The following OFD1 variants were observed in gnomAD, a reference collection of about 807,000 sequenced individuals.
OFD1 encodes OFD1 centriole and centriolar satellite protein, also known as centriole and centriolar satellite protein OFD1.
A neutral mutation model predicts 81.4 loss-of-function variants in OFD1; 12 were observed. The observed-to-expected ratio is 0.15, with a 90% confidence interval of 0.09 to 0.24. OFD1 has a LOEUF of 0.24. OFD1 is among the 10% of genes least tolerant of loss of function. The pLI, the probability that OFD1 is intolerant of heterozygous loss-of-function variation, is 1.00. For synonymous variants in OFD1, 256 were observed against 263.7 expected (o/e 0.97, Z 0.28); for missense variants, 685 against 733.9 (o/e 0.93, Z 0.77).
At chrX:13,736,226 C>G (rs1211294071) in intron 2 of OFD1, 1 of 963,320 alleles carries the variant, frequency 1.0e-6, no homozygotes, top group African/African-American at 2.0e-5. Flanking sequence ...ATCTGGCTAA[C>G]CACCCGTTTC....
intron 9 of OFD1, among the ~76,000 whole-genome samples, chrX:13,750,003 T>C (rs1345547391): frequency 8.9e-6 from 1 of 112,473 alleles, no homozygotes; most frequent in Non-Finnish European, 1.9e-5. Flanking sequence ...CTCACAAATG[T>C]TTCATCCTTG....
chrX:13,768,374 T>A (rs2048211157), intron 21 of OFD1, 150 bp downstream of exon 21: 5 of 503,605 alleles, frequency 9.9e-6, no homozygotes, highest in Non-Finnish European at 1.7e-5. Flanking sequence ...ACCTTGAGTC[T>A]TTTAAATATA....
chrX:13,734,148 G>T (rs1028629188), upstream of OFD1: 1 of 506,519 alleles, frequency 2.0e-6, no homozygotes, highest in African/African-American at 2.3e-5. Context: ...AATATCTGGA[G>T]ACATCTTTGG....
Position 13,762,414 on chromosome X carries a change from G to T in OFD1, c.2458G>T (p.Asp820Tyr). The change falls in exon 18 of 23, where the codon GAT becomes TAT. Residue 820 changes from aspartate (D) to tyrosine (Y), a missense_variant. Physicochemically the swap from Asp to Tyr is radical, Grantham distance 160. Coordinates refer to ENST00000340096, the MANE Select transcript of OFD1 (RefSeq NM_003611.3). ...FSDVDKLAFK[D>Y]NEEFESSFES... is the part of the protein sequence containing the mutation. ...AGATGTGGACAAGCTAGCTTTTAAG[G>T]ATAATGAGGAGTTTGAATCATCTTT... 1 of 1,185,263 alleles carries T rather than the reference G, an allele frequency of 8.4e-7. No homozygotes were observed. Among genetic ancestry groups the T allele is most frequent in the Non-Finnish European group, 1.1e-6 (1 of 871,605 alleles).
At position 13,756,601 on chromosome X, in the gene OFD1, C is replaced by G. The variant is rs1391181829; in HGVS notation, c.1245C>G (p.Ala415=). 8.3e-7 allele frequency: 1 copy of G among 1,202,271 alleles called. No individual in the cohort carries two copies. The highest frequency in any genetic ancestry group is 2.2e-5 in the Admixed American group (1 of 44,823). Residue 415 remains alanine, a synonymous_variant, in exon 13 of 23, where the codon GCC becomes GCG. Transcript: ENST00000340096. The stretch of plus-strand genomic sequence containing the variant: ...AGCTTGAATTAGAGTCTGTCAAAGC[C>G]CAGTCTTTGGCAATAACAAAACAAA... ...ELELELESVK[A]QSLAITKQNH...
chrX:13,718,405 T>C, the OFD1 span, among the ~76,000 whole-genome samples: 1 of 112,876 alleles, frequency 8.9e-6, no homozygotes, highest in Non-Finnish European at 1.9e-5. Flanking sequence ...CCTGAAGAAT[T>C]AGGAGCAAAC....
In OFD1 at chrX:13,767,038, G is replaced by C. The variant is rs866234855; in HGVS notation, c.2600-89G>C. On this transcript the variant is annotated intron_variant, in intron 19 of 22. Coordinates refer to ENST00000340096, the MANE Select transcript of OFD1 (RefSeq NM_003611.3). ...ACTAAAAGCCAAGCAGAGTCTCCGT[G>C]GGTCTTGGCAAGGGCTCCTGCAGAC... 24 of 908,234 alleles carry C rather than the reference G, an allele frequency of 2.6e-5. No homozygotes were observed. The Middle Eastern group carries it at 1.2e-3, about 45-fold the overall frequency. The allele number at this position is 908,234 out of a possible 1,213,427, so 74.8% of individuals were successfully genotyped here. A position where few individuals can be genotyped will look rare whatever the true frequency, so the allele number is the denominator to read the frequency against.
chrX:13,729,054 C>T, the OFD1 span, among the ~76,000 whole-genome samples: 3 of 111,453 alleles, frequency 2.7e-5, no homozygotes, highest in African/African-American at 9.8e-5. Flanking sequence ...CGTGAAGGAC[C>T]TCTTCAAGGA....
intron 5 of OFD1, chrX:13,739,610 T>A (rs188072622): frequency 2.2e-3 from 249 of 114,016 alleles, no homozygotes; most frequent in Non-Finnish European, 3.7e-3. Flanking sequence ...TAGCTAGGCG[T>A]AGTGGCGCAT....
downstream of OFD1, chrX:13,771,921 A>G (rs2048306238): frequency 8.9e-6 from 1 of 112,450 alleles, no homozygotes. Context: ...TCAATTTGCA[A>G]TTAGGTTTTA....
chrX:13,724,331 C>A, the OFD1 span, among the ~76,000 whole-genome samples: 1 of 105,598 alleles, frequency 9.5e-6, no homozygotes, highest in African/African-American at 3.5e-5. Flanking sequence ...AAAAACGGGA[C>A]CAGAAATCAG....
At chrX:13,730,433 A>G (rs1480661410), upstream of OFD1, among the ~76,000 whole-genome samples, 1 of 111,937 alleles carries the variant, frequency 8.9e-6, no homozygotes, top group Non-Finnish European at 1.9e-5. Context: ...GCTGGAGAGG[A>G]TGTGGAGAAA....
At chrX:13,766,440 C>T (rs768551283) in intron 19 of OFD1, among the ~76,000 whole-genome samples, 7 of 111,549 alleles carry the variant, frequency 6.3e-5, no homozygotes, top group African/African-American at 2.3e-4. Flanking sequence ...ATGCCTGGGA[C>T]GAAGCTAGTG....
Position 13,735,869 on chromosome X carries a change from A to G in OFD1, c.111+523A>G, listed in dbSNP as rs974863810. ...TGGATTAACAGCCAGGAGTAGGATT[A>G]GCTCAACGTGTTTTCATTGAAATAT... On this transcript the variant is annotated intron_variant, in intron 2 of 22. Transcript: ENST00000340096. Among the ~76,000 whole-genome samples, 3 of 112,296 alleles carry G rather than the reference A, an allele frequency of 2.7e-5. No homozygotes were observed. In the East Asian group the frequency reaches 8.3e-4, roughly 31 times the overall value.
intron 13 of OFD1, 145 bp downstream of exon 13, chrX:13,756,912 C>T: frequency 1.9e-6 from 1 of 528,366 alleles, no homozygotes; most frequent in Non-Finnish European, 3.2e-6. Context: ...TTAAACTCTG[C>T]AAACCTGCCT....
upstream of OFD1, chrX:13,734,602 A>G: frequency 1.4e-6 from 1 of 731,650 alleles, no homozygotes; most frequent in Non-Finnish European, 1.7e-6. Flanking sequence ...TGTAGCCAGA[A>G]CGCCGAAGCA....
intron 19 of OFD1, among the ~76,000 whole-genome samples, chrX:13,765,732 G>A (rs1360453088): frequency 8.9e-6 from 1 of 111,911 alleles, no homozygotes; most frequent in Non-Finnish European, 1.9e-5. Context: ...AATTGTCTCT[G>A]GGATTGGGGT....
downstream of OFD1, among the ~76,000 whole-genome samples, chrX:13,770,422 G>A (rs766499646): frequency 1.8e-5 from 2 of 112,101 alleles, no homozygotes; most frequent in African/African-American, 6.5e-5. Context: ...AAGGTCAGAC[G>A]CAGAGAATCC....
intron 5 of OFD1, 165 bp downstream of exon 5, chrX:13,739,197 T>C (rs2046990591): frequency 2.2e-6 from 1 of 464,339 alleles, no homozygotes; most frequent in Non-Finnish European, 3.7e-6. Context: ...TAATAACTTT[T>C]AGATATTCAA....
Sources: gnomAD v4.1 joint callset for allele counts (sites outside exome capture counted in the v4.1 genomes callset) on GRCh38, gnomAD v4.1.1 for gene constraint, MANE v1.5 for transcripts, NCBI Gene and HGNC (gene_info 2026-07-23, HGNC 2026-07-21) for gene names.